IKZF2: variants seen among roughly 807,000 people sequenced by gnomAD.
IKZF2 encodes the protein zinc finger protein Helios.
A neutral mutation model predicts 49.2 loss-of-function variants in IKZF2; 15 were observed. The ratio of observed to expected loss-of-function variants is 0.30; its 90% CI spans 0.20 to 0.47. The LOEUF is 0.47. Among genes scored for constraint, IKZF2 ranks in the 20% least tolerant of loss-of-function variants. The probability of loss-of-function intolerance (pLI) is 1.00; values close to 1 mark genes in which losing one functional copy is unlikely to be tolerated. For synonymous variants in IKZF2, 227 were observed against 221.4 expected (o/e 1.03, Z -0.23); for missense variants, 567 against 664.6 (o/e 0.85, Z 1.61).
chr2:213,110,673 T>C (rs2059677365), intron 4 of IKZF2, among the ~76,000 whole-genome samples: 1 of 151,998 alleles, frequency 6.6e-6, no homozygotes, highest in African/African-American at 2.4e-5. Flanking sequence ...TAAGATAAAT[T>C]TGTAGAAACA....
At chr2:213,066,421 C>T (rs1702169549) in intron 4 of IKZF2, among the ~76,000 whole-genome samples, 1 of 152,026 alleles carries the variant, frequency 6.6e-6, no homozygotes, top group African/African-American at 2.4e-5. Flanking sequence ...GTTTCCATAC[C>T]CCAGGTTCAA....
intron 4 of IKZF2, among the ~76,000 whole-genome samples, chr2:213,073,490 A>T (rs1309010616): frequency 6.6e-6 from 1 of 152,238 alleles, no homozygotes; most frequent in African/African-American, 2.4e-5. Flanking sequence ...ATGTTTCATA[A>T]ATATAAAAAG....
chr2:213,017,032 C>T (rs1017578296), intron 7 of IKZF2: 1 of 152,002 alleles, frequency 6.6e-6, no homozygotes, highest in African/African-American at 2.4e-5. Flanking sequence ...AAATTTTCTC[C>T]GTGTTACCCG....
chr2:213,072,292 C>CTTT (rs771849497), intron 4 of IKZF2, among the ~76,000 whole-genome samples: 3 of 122,710 alleles, frequency 2.4e-5, no homozygotes, highest in African/African-American at 3.5e-5. Flanking sequence ...GATTCCTTTC[C>CTTT]TTTGTTTTTT....
At chr2:213,075,683 A>C (rs1334557372) in intron 4 of IKZF2, among the ~76,000 whole-genome samples, 4 of 152,122 alleles carry the variant, frequency 2.6e-5, no homozygotes, top group African/African-American at 9.7e-5. Context: ...ATTTTTCATT[A>C]ATTGATATAT....
intron 6 of IKZF2, among the ~76,000 whole-genome samples, chr2:213,045,488 G>A (rs1030104125): frequency 3.9e-5 from 6 of 152,098 alleles, no homozygotes; most frequent in African/African-American, 1.4e-4. Flanking sequence ...TGCTCTCTTT[G>A]TCATAACATA....
chr2:213,116,725 T>A (rs1375594037), intron 4 of IKZF2, among the ~76,000 whole-genome samples: 3 of 152,104 alleles, frequency 2.0e-5, no homozygotes, highest in Non-Finnish European at 2.9e-5. Flanking sequence ...GGTGACAGAG[T>A]GAGACCCTGT....
chr2:213,054,330 T>C (rs956513832), intron 5 of IKZF2, among the ~76,000 whole-genome samples: 2 of 152,176 alleles, frequency 1.3e-5, no homozygotes, highest in African/African-American at 4.8e-5. Flanking sequence ...TAAGACAGTA[T>C]CTTTAATATG....
rs758926076 is a variant in IKZF2 at position 213,049,762 on chromosome 2, G to A, written c.525C>T (p.Tyr175=). 4.7e-5 allele frequency: 75 copies of A among 1,610,094 alleles called. No individual in the cohort carries two copies. The highest frequency in any genetic ancestry group is 4.6e-4 in the South Asian group (42 of 90,484). ...EKPFKCPFCS[Y]ACRRRDALTG... is the part of the protein sequence containing the mutation. Reference sequence around the variant, plus strand: ...TGAGGGCGTCCCTTCTTCTACAGGCGTAGCTACAGAAAGGACATTTGAACG... The same window carrying A: ...TGAGGGCGTCCCTTCTTCTACAGGCATAGCTACAGAAAGGACATTTGAACG... The change falls in exon 6 of 9, where the codon TAC becomes TAT. Residue 175 remains tyrosine, a synonymous_variant. Coordinates refer to ENST00000434687, the MANE Select transcript of IKZF2 (RefSeq NM_001387220.1).
rs183532670 is a variant in IKZF2, at chr2:213,017,732, G to A, written c.713-3798C>T. Among the ~76,000 whole-genome samples the A allele has an allele frequency of 2.1e-4, 32 of 152,180 alleles. No homozygotes were observed. In the East Asian group the frequency reaches 5.2e-3, roughly 25 times the overall value. ...GCTTTTTAAAACTAAGCTCAATCCC[G>A]GGAAATTCCTCTTGGATGTTCTGCT... On this transcript the variant is annotated intron_variant, in intron 7 of 8. Coordinates refer to ENST00000434687, the MANE Select transcript of IKZF2 (RefSeq NM_001387220.1).
At chr2:213,084,547 GTT>G (rs1704342070) in intron 4 of IKZF2, among the ~76,000 whole-genome samples, 1 of 150,516 alleles carries the variant, frequency 6.6e-6, no homozygotes, top group African/African-American at 2.4e-5. Context: ...CTACAAAAAG[GTT>G]TCTGAAAAAA....
At chr2:213,120,486 T>C (rs2060019267) in intron 4 of IKZF2, among the ~76,000 whole-genome samples, 1 of 152,200 alleles carries the variant, frequency 6.6e-6, no homozygotes. Context: ...GCACAGTATA[T>C]GTGAAAAGGA....
intron 4 of IKZF2, among the ~76,000 whole-genome samples, chr2:213,145,700 T>C (rs1363903746): frequency 2.6e-5 from 4 of 152,048 alleles, no homozygotes; most frequent in Non-Finnish European, 5.9e-5. Flanking sequence ...ATACTGTAAA[T>C]AGAGGCTACA....
intron 7 of IKZF2, 81 bp from the exon 8 acceptor site, chr2:213,014,015 T>C (rs1221403262): frequency 3.0e-6 from 4 of 1,332,732 alleles, no homozygotes; most frequent in Non-Finnish European, 4.3e-6. Flanking sequence ...GCCATCTCGA[T>C]ATGTGTTATA....
intron 4 of IKZF2, among the ~76,000 whole-genome samples, chr2:213,123,821 T>A (rs914366080): frequency 1.3e-5 from 2 of 152,004 alleles, no homozygotes; most frequent in African/African-American, 4.8e-5. Flanking sequence ...ATGATGATAG[T>A]ATTCTAAATA....
chr2:213,071,232 T>C (rs1258807510), intron 4 of IKZF2, among the ~76,000 whole-genome samples: 3 of 152,136 alleles, frequency 2.0e-5, no homozygotes, highest in African/African-American at 7.2e-5. Context: ...ATTTATATTT[T>C]ACTAGATACT....
At chr2:213,114,996 C>T (rs2059823907) in intron 4 of IKZF2, among the ~76,000 whole-genome samples, 1 of 151,742 alleles carries the variant, frequency 6.6e-6, no homozygotes, top group South Asian at 2.1e-4. Flanking sequence ...TGCACGTTAA[C>T]CCTTAAAAGT....
intron 4 of IKZF2, among the ~76,000 whole-genome samples, chr2:213,111,549 T>TAAA (rs1419171758): frequency 6.6e-6 from 1 of 152,060 alleles, no homozygotes; most frequent in African/African-American, 2.4e-5. Context: ...CTATCAAATT[T>TAAA]TTATAATCTT....
chr2:213,095,489 T>C (rs138694294), intron 4 of IKZF2, among the ~76,000 whole-genome samples: 2 of 152,104 alleles, frequency 1.3e-5, no homozygotes, highest in East Asian at 3.9e-4. Flanking sequence ...ATTTGAATAA[T>C]CTTCAATGAA....
Sources: gnomAD v4.1 joint callset for allele counts (sites outside exome capture counted in the v4.1 genomes callset) on GRCh38, gnomAD v4.1.1 for gene constraint, MANE v1.5 for transcripts, NCBI Gene and HGNC (gene_info 2026-07-23, HGNC 2026-07-21) for gene names.